The following PCDHGA8 variants were observed in gnomAD, a reference collection of about 807,000 sequenced individuals.
PCDHGA8 encodes the protein protocadherin gamma subfamily A, 8, also known as protocadherin gamma-A8.
In PCDHGA8, 45 loss-of-function variants were observed where a neutral mutation model predicts 59.2. That is an observed-to-expected ratio of 0.76 (90% CI 0.60 to 0.98). The LOEUF (loss-of-function observed/expected upper bound fraction) is 0.98. Among genes scored for constraint, PCDHGA8 ranks in the 50% least tolerant of loss-of-function variants. PCDHGA8 has a pLI of 0.00. For synonymous variants in PCDHGA8, 531 were observed against 519.0 expected, an observed-to-expected ratio of 1.02 and a Z score of -0.32; for missense variants, 1,257 against 1,196.2, an observed-to-expected ratio of 1.05 and a Z score of -0.75.
At position 141,490,341 on chromosome 5, in the gene PCDHGA8, A is replaced by C. The variant is rs778299384; in HGVS notation, c.2425-4466A>C. ...TCCTAGAGAGCACACCAGTGGGCACAGTAGTGGGGTTGTTTAATGTGCGAG... is the reference window on the plus strand; with the variant it reads ...TCCTAGAGAGCACACCAGTGGGCACCGTAGTGGGGTTGTTTAATGTGCGAG... On this transcript the variant is annotated intron_variant, in intron 1 of 3. Coordinates refer to ENST00000398604, the MANE Select transcript of PCDHGA8 (RefSeq NM_032088.2). This position sits in a 1 kb window ranked among gnomAD's most constrained non-coding sequence, Gnocchi z 5.4. The C allele has an allele frequency of 5.0e-6, 8 of 1,614,204 alleles. No homozygotes were observed. The South Asian group carries it at 8.8e-5, about 18-fold the overall frequency.
At chr5:141,467,280 T>G (rs1021597111) in intron 1 of PCDHGA8, among the ~76,000 whole-genome samples, 58 of 152,272 alleles carry the variant, frequency 3.8e-4, no homozygotes, top group Admixed American at 2.6e-4. Flanking sequence ...CTCGAACTCT[T>G]GACCTCAAGT....
intron 1 of PCDHGA8, chr5:141,419,774 C>T (rs2096431329): frequency 6.2e-7 from 1 of 1,613,902 alleles, no homozygotes; most frequent in Admixed American, 1.7e-5. Flanking sequence ...GGACTCGGTC[C>T]GCCAGCGCCT....
intron 1 of PCDHGA8, among the ~76,000 whole-genome samples, chr5:141,472,274 G>A (rs1170341842): frequency 6.6e-6 from 1 of 152,176 alleles, no homozygotes; most frequent in Admixed American, 6.5e-5. Flanking sequence ...GGGCACAGTG[G>A]CTCACACCTG....
At chr5:141,418,021 A>G (rs748774040) in intron 1 of PCDHGA8, 11 of 1,613,978 alleles carry the variant, frequency 6.8e-6, no homozygotes, top group African/African-American at 1.3e-5. Context: ...CTAAGGATCT[A>G]GGGCTTAGTG....
At chr5:141,461,388 A>T (rs1025976806) in intron 1 of PCDHGA8, among the ~76,000 whole-genome samples, 5 of 152,164 alleles carry the variant, frequency 3.3e-5, no homozygotes, top group Admixed American at 6.5e-5. Context: ...CCTGATGATT[A>T]GCGATGTTGA....
intron 1 of PCDHGA8, chr5:141,398,588 T>C: frequency 1.9e-6 from 3 of 1,614,010 alleles, no homozygotes; most frequent in African/African-American, 1.3e-5. Flanking sequence ...AGATTTATAC[T>C]AGAAGTAGCA....
chr5:141,427,971 C>T (rs764145525), intron 1 of PCDHGA8: 1 of 1,593,512 alleles, frequency 6.3e-7, no homozygotes, highest in African/African-American at 1.3e-5. Flanking sequence ...GGTGCTGTAC[C>T]CCGCGCTGGG....
chr5:141,408,197 C>A (rs2095057098), intron 1 of PCDHGA8: 5 of 1,546,080 alleles, frequency 3.2e-6, no homozygotes, highest in Non-Finnish European at 4.4e-6. Context: ...AGAACCCGAG[C>A]GAACGATGGG....
Position 141,491,078 on chromosome 5 carries a change from C to G in PCDHGA8, c.2425-3729C>G, listed in dbSNP as rs1386717886. The G allele has an allele frequency of 5.6e-6, 9 of 1,614,194 alleles. No homozygotes were observed. Among genetic ancestry groups the G allele is most frequent in the East Asian group, 4.5e-5 (2 of 44,882 alleles). ...CTCTCCTACTCACTGTTGCCACAGTCCACAGCCCCAGGACTGTTCCTCGTG... is the reference window on the plus strand; with the variant it reads ...CTCTCCTACTCACTGTTGCCACAGTGCACAGCCCCAGGACTGTTCCTCGTG... On this transcript the variant is annotated intron_variant, in intron 1 of 3. Transcript: ENST00000398604. This position sits in a 1 kb window ranked among gnomAD's most constrained non-coding sequence, Gnocchi z 6.9.
chr5:141,415,269 G>T, intron 1 of PCDHGA8: 1 of 1,614,228 alleles, frequency 6.2e-7, no homozygotes, highest in African/African-American at 1.3e-5. Flanking sequence ...TGTACCTGGT[G>T]GTAGCGGTGG....
chr5:141,444,360 G>A (rs556605314), intron 1 of PCDHGA8, among the ~76,000 whole-genome samples: 1 of 151,652 alleles, frequency 6.6e-6, no homozygotes, highest in South Asian at 2.1e-4. Context: ...TAGTAGAGAC[G>A]GGGTTTCTCC....
chr5:141,394,309 C>T lies in PCDHGA8; in HGVS notation c.1496C>T (p.Ala499Val), dbSNP rs2092971552. ...YSVTEDTLQG[A>V]PLSSYISINS... is the part of the protein sequence containing the mutation. Reference sequence around the variant, plus strand: ...GTGACCGAGGACACGCTGCAGGGGGCGCCCCTGTCCTCGTATATCTCCATC... The same window carrying T: ...GTGACCGAGGACACGCTGCAGGGGGTGCCCCTGTCCTCGTATATCTCCATC... Residue 499 changes from alanine (A) to valine (V), a missense_variant, in exon 1 of 4, where the codon GCG (alanine) becomes GTG (valine). By Grantham distance (64) the Ala-to-Val change is moderately conservative (BLOSUM62 0). Transcript: ENST00000398604. The T allele has an allele frequency of 6.2e-7, 1 of 1,613,992 alleles. No individual in the cohort carries two copies. Among genetic ancestry groups the T allele is most frequent in the Non-Finnish European group, 8.5e-7 (1 of 1,179,878 alleles).
At chr5:141,404,878 T>C (rs748965325) in intron 1 of PCDHGA8, 88 of 1,613,722 alleles carry the variant, frequency 5.5e-5, no homozygotes, top group Non-Finnish European at 7.3e-5. Context: ...AACAGAGCCT[T>C]GTGGTGGCTG....
chr5:141,427,810 G>A (rs2097074260), intron 1 of PCDHGA8: 1 of 1,523,990 alleles, frequency 6.6e-7, no homozygotes, highest in Non-Finnish European at 9.0e-7. Flanking sequence ...AGCGCACAGA[G>A]CGGGGTGGTG....
chr5:141,400,923 T>C (rs1453975530), intron 1 of PCDHGA8, among the ~76,000 whole-genome samples: 1 of 152,260 alleles, frequency 6.6e-6, no homozygotes, highest in Admixed American at 6.5e-5. Flanking sequence ...AAGAAACTGC[T>C]AGTAGATGTC....
intron 1 of PCDHGA8, chr5:141,412,990 C>T: frequency 1.8e-6 from 1 of 569,958 alleles, no homozygotes. Flanking sequence ...AGAGCTCAAT[C>T]CGGATTCTCA....
chr5:141,422,877 C>A, intron 1 of PCDHGA8: 1 of 1,614,246 alleles, frequency 6.2e-7, no homozygotes. Context: ...TGTCGCTGAG[C>A]CTGTTCGTGC....
At chr5:141,409,869 A>G (rs2095329006) in intron 1 of PCDHGA8, 2 of 1,612,632 alleles carry the variant, frequency 1.2e-6, no homozygotes, top group African/African-American at 1.3e-5. Context: ...GGAGACCGCA[A>G]TGACAACGCA....
Position 141,477,779 on chromosome 5 carries a change from A to G in PCDHGA8, c.2425-17028A>G, listed in dbSNP as rs781567883. ...CCTAGCCACCAACATCAGCGTGAAC[A>G]TATTTGTCACTGATCGCAATGACAA... On this transcript the variant is annotated intron_variant, in intron 1 of 3. Coordinates refer to ENST00000398604, the MANE Select transcript of PCDHGA8 (RefSeq NM_032088.2). This position sits in a 1 kb window ranked among gnomAD's most constrained non-coding sequence, Gnocchi z 4.9. 5.6e-6 allele frequency: 9 copies of G among 1,613,894 alleles called. No homozygotes were observed. Among genetic ancestry groups the G allele is most frequent in the South Asian group, 5.5e-5 (5 of 91,084 alleles).
Sources: gnomAD v4.1 joint callset for allele counts (sites outside exome capture counted in the v4.1 genomes callset) on GRCh38, gnomAD v4.1.1 for gene constraint, Gnocchi (gnomAD v3.1) non-coding constraint, MANE v1.5 for transcripts, NCBI Gene and HGNC (gene_info 2026-07-23, HGNC 2026-07-21) for gene names.